Variants in CLIP4 observed in about 807,000 individuals in gnomAD.
The protein encoded by CLIP4 is CAP-Gly domain-containing linker protein 4.
Under a neutral mutation model 73.1 loss-of-function variants are expected in CLIP4, and 47 were observed. The ratio of observed to expected loss-of-function variants is 0.64; its 90% CI spans 0.51 to 0.82. The LOEUF (loss-of-function observed/expected upper bound fraction) is 0.82. Among genes scored for constraint, CLIP4 ranks in the 40% least tolerant of loss-of-function variants. The pLI is 0.00. For synonymous variants in CLIP4, 306 were observed against 295.4 expected (o/e 1.04, Z -0.37); for missense variants, 874 against 852.9 (o/e 1.02, Z -0.31).
At chr2:29,124,300 T>C (rs1664451076) in intron 2 of CLIP4, among the ~76,000 whole-genome samples, 1 of 152,238 alleles carries the variant, frequency 6.6e-6, no homozygotes, top group African/African-American at 2.4e-5. Flanking sequence ...CTTTCAGTAC[T>C]TGAAAGATCT....
At chr2:29,137,957 T>C (rs1328967633) in intron 6 of CLIP4, among the ~76,000 whole-genome samples, 3 of 152,130 alleles carry the variant, frequency 2.0e-5, no homozygotes, top group South Asian at 4.1e-4. Flanking sequence ...CTGTAGGTTG[T>C]CTGTTTACTC....
At chr2:29,158,103 G>C (rs1054528143) in intron 11 of CLIP4, among the ~76,000 whole-genome samples, 1 of 152,250 alleles carries the variant, frequency 6.6e-6, no homozygotes, top group African/African-American at 2.4e-5. Context: ...GACATAATAA[G>C]CCTAAAAACT....
intron 2 of CLIP4, among the ~76,000 whole-genome samples, chr2:29,124,689 T>C (rs1443268173): frequency 6.6e-6 from 1 of 152,180 alleles, no homozygotes. Context: ...TCATTAATCT[T>C]TCCTTCTGCA....
In CLIP4 at chr2:29,181,377, C is replaced by T. The variant is rs537667140; in HGVS notation, c.1797-195C>T. Among the ~76,000 whole-genome samples the T allele has an allele frequency of 1.3e-3, 192 of 152,164 alleles. 1 individual carries two copies. The Middle Eastern group carries it at 0.014, about 11-fold the overall frequency. Reference sequence around the variant, plus strand: ...TATGCGTGGACCCACGTACTTCAAACCTGTGTAGTTCATGGGTCAACTGTA... The same window carrying T: ...TATGCGTGGACCCACGTACTTCAAATCTGTGTAGTTCATGGGTCAACTGTA... On this transcript the variant is annotated intron_variant, in intron 15 of 15. Coordinates refer to ENST00000320081, the MANE Select transcript of CLIP4 (RefSeq NM_024692.6).
chr2:29,125,250 C>T (rs772090066), intron 2 of CLIP4, among the ~76,000 whole-genome samples: 2 of 152,192 alleles, frequency 1.3e-5, no homozygotes, highest in Non-Finnish European at 2.9e-5. Flanking sequence ...TGCTGTTCTA[C>T]TCAATGCTGT....
intron 1 of CLIP4, among the ~76,000 whole-genome samples, chr2:29,108,667 T>C (rs1668302145): frequency 6.6e-6 from 1 of 152,210 alleles, no homozygotes; most frequent in Admixed American, 6.5e-5. Context: ...CACCACACAC[T>C]TATTTTTAAG....
chr2:29,151,217 C>T (rs1399639660), intron 8 of CLIP4, among the ~76,000 whole-genome samples: 2 of 152,046 alleles, frequency 1.3e-5, no homozygotes, highest in Admixed American at 1.3e-4. Context: ...ACAGATGAAA[C>T]CTTGTAACGT....
intron 4 of CLIP4, 49 bp from the exon 5 acceptor site, chr2:29,133,606 G>T (rs752295342): frequency 6.4e-7 from 1 of 1,556,522 alleles, no homozygotes; most frequent in East Asian, 2.3e-5. Flanking sequence ...CCATCCATTG[G>T]AACTTAAAAT....
In CLIP4 at chr2:29,146,241, G is replaced by A. The variant is rs184956310; in HGVS notation, c.1021+874G>A. ...GGAGAAGGCCTCTGACCAGGGGCAC[G>A]CCCAGCTCTGCAGACCTCCCTCAAA... On this transcript the variant is annotated intron_variant, in intron 8 of 15. Transcript: ENST00000320081. 2.2e-4 allele frequency among the ~76,000 whole-genome samples: 33 copies of A among 152,216 alleles called. No individual in the cohort carries two copies. In the East Asian group the frequency reaches 4.6e-3, roughly 21 times the overall value.
At chr2:29,152,097 G>A (rs1485200362) in intron 8 of CLIP4, among the ~76,000 whole-genome samples, 1 of 152,128 alleles carries the variant, frequency 6.6e-6, no homozygotes, top group East Asian at 1.9e-4. Context: ...GTACAGTGGG[G>A]GAATGCAGAG....
chr2:29,125,998 A>C (rs1170395034), intron 2 of CLIP4, among the ~76,000 whole-genome samples: 10 of 152,086 alleles, frequency 6.6e-5, no homozygotes, highest in Admixed American at 6.5e-4. Flanking sequence ...AACATGGTGA[A>C]ACCCTGTCTC....
At chr2:29,148,682 A>C (rs543923069) in intron 8 of CLIP4, among the ~76,000 whole-genome samples, 1 of 152,304 alleles carries the variant, frequency 6.6e-6, no homozygotes, top group South Asian at 2.1e-4. Flanking sequence ...TATTTACGTG[A>C]ATCTCTCTTG....
At chr2:29,123,683 A>T (rs1415171826) in intron 2 of CLIP4, among the ~76,000 whole-genome samples, 2 of 152,192 alleles carry the variant, frequency 1.3e-5, no homozygotes, top group Non-Finnish European at 2.9e-5. Context: ...AAGCAAAGTG[A>T]TTGATGGCAG....
chr2:29,126,859 A>C (rs1291357962), intron 2 of CLIP4, among the ~76,000 whole-genome samples: 1 of 152,162 alleles, frequency 6.6e-6, no homozygotes, highest in Non-Finnish European at 1.5e-5. Context: ...ATTTGGAAAT[A>C]ATAGTTTGGA....
At position 29,115,434 on chromosome 2, in the gene CLIP4, C is replaced by G. The variant is rs1019537903; in HGVS notation, c.-247C>G. ...TCCTCCGTCCCCACCGAGTCCCCAG[C>G]GCGTGCGCGGGGCCGTGGCCGAGGC... On this transcript the variant is annotated 5_prime_UTR_variant, in exon 1 of 16. Transcript: ENST00000320081. This position sits in a 1 kb window ranked among gnomAD's most constrained non-coding sequence, Gnocchi z 5.1. The G allele has an allele frequency of 2.7e-5, 4 of 150,332 alleles. No individual in the cohort carries two copies. The highest frequency in any genetic ancestry group is 9.7e-5 in the African/African-American group (4 of 41,186). The allele number at this position is 150,332 out of a possible 1,614,324, so 9.3% of individuals were successfully genotyped here.
intron 9 of CLIP4, among the ~76,000 whole-genome samples, chr2:29,155,745 C>A (rs1356493366): frequency 6.6e-6 from 1 of 152,184 alleles, no homozygotes; most frequent in African/African-American, 2.4e-5. Context: ...CTAATAATGT[C>A]TGACTGGTCC....
intron 11 of CLIP4, 21 bp downstream of exon 11, chr2:29,157,368 C>G: frequency 6.2e-7 from 1 of 1,613,868 alleles, no homozygotes; most frequent in East Asian, 2.2e-5. Flanking sequence ...CTTTTTCAAC[C>G]AGGCTTTCTT....
intron 2 of CLIP4, among the ~76,000 whole-genome samples, chr2:29,129,111 A>C (rs1452751016): frequency 6.6e-6 from 1 of 152,162 alleles, no homozygotes; most frequent in Non-Finnish European, 1.5e-5. Flanking sequence ...GCTAAGCATC[A>C]TCTTGTTTTT....
At chr2:29,105,605 C>T (rs560219539) in intron 1 of CLIP4, among the ~76,000 whole-genome samples, 1 of 152,204 alleles carries the variant, frequency 6.6e-6, no homozygotes, top group Non-Finnish European at 1.5e-5. Context: ...AGCTCATCTC[C>T]TACCAGCGTC....
Sources: gnomAD v4.1 joint callset for allele counts (sites outside exome capture counted in the v4.1 genomes callset) on GRCh38, gnomAD v4.1.1 for gene constraint, Gnocchi (gnomAD v3.1) non-coding constraint, MANE v1.5 for transcripts, NCBI Gene and HGNC (gene_info 2026-07-23, HGNC 2026-07-21) for gene names.